Variants in CR1 observed in about 807,000 individuals in gnomAD.
CR1 encodes the protein complement C3b/C4b receptor 1 (Knops blood group).
In CR1, 116 loss-of-function variants were observed where a neutral mutation model predicts 187.3. The ratio of observed to expected loss-of-function variants is 0.62; its 90% CI spans 0.53 to 0.72. CR1 has a LOEUF of 0.72. Among genes scored for constraint, CR1 ranks in the 30% least tolerant of loss-of-function variants. The pLI, the probability that CR1 is intolerant of heterozygous loss-of-function variation, is 0.00. For synonymous variants in CR1, 576 were observed against 747.1 expected (o/e 0.77, Z 3.73); for missense variants, 1,731 against 2,110.7 (o/e 0.82, Z 3.52).
Position 207,599,970 on chromosome 1 carries a change from CAT to C in CR1, c.5811-7279_5811-7278del, listed in dbSNP as rs1447646840. 7.2e-5 allele frequency among the ~76,000 whole-genome samples: 11 copies of C among 152,250 alleles called. No individual in the cohort carries two copies. In the East Asian group the frequency reaches 7.7e-4, roughly 11 times the overall value. ...TAGATGTTAACCTGGACAAATGAAA[CAT>C]AGATTGTTTTGAGCAAGAGACGGCA... On this transcript the variant is annotated intron_variant, in intron 35 of 46. Coordinates refer to ENST00000367049, the MANE Select transcript of CR1 (RefSeq NM_000651.6).
At position 207,575,586 on chromosome 1, in the gene CR1, T is replaced by G. The variant is rs2102335110; in HGVS notation, c.4452-9T>G. On this transcript the variant is annotated splice_polypyrimidine_tract_variant and intron_variant, in intron 27 of 46. Transcript: ENST00000367049. ...TACAGGACAATGATTTTCCATTTTT[T>G]GCCTTTAGGCACCGACTCATTGGTC... 1 of 1,611,878 alleles carries G rather than the reference T, an allele frequency of 6.2e-7. No homozygotes were observed. The highest frequency in any genetic ancestry group is 1.7e-5 in the Admixed American group (1 of 60,026).
intron 34 of CR1, 58 bp downstream of exon 34, chr1:207,587,623 G>C (rs1272085926): frequency 2.0e-6 from 3 of 1,529,066 alleles, no homozygotes; most frequent in Admixed American, 1.8e-5. Context: ...GTGGGACCGG[G>C]CTTGGTGGCT....
At position 207,564,134 on chromosome 1, in the gene CR1, A is replaced by G; in HGVS notation, c.3766A>G (p.Lys1256Glu). 2.6e-6 allele frequency: 4 copies of G among 1,566,832 alleles called. No individual in the cohort carries two copies. The highest frequency in any genetic ancestry group is 3.4e-6 in the Non-Finnish European group (4 of 1,160,150). Residue 1256 changes from lysine to glutamate, a missense_variant and splice_region_variant, in exon 23 of 47, where the codon AAA (lysine) becomes GAA (glutamate). By Grantham distance (56) the Lys-to-Glu change is moderately conservative. This residue lies in a region of CR1 where 34 missense variants were observed against 79.5 expected (regional missense o/e 0.43). Transcript: ENST00000367049. ...WSPAAPTCEVKSCDDFMGQLL... is the reference protein window; with the variant it reads ...WSPAAPTCEVESCDDFMGQLL... The stretch of plus-strand genomic sequence containing the variant: ...TGTTCGTTTTTCTTTATCTCCAGTG[A>G]AATCCTGTGATGACTTCATGGGCCA...
chr1:207,500,574 G>T (rs1324888149), intron 1 of CR1, among the ~76,000 whole-genome samples: 2 of 152,204 alleles, frequency 1.3e-5, no homozygotes, highest in Non-Finnish European at 2.9e-5. Context: ...CCCGAAATGA[G>T]ATAACAATAC....
In CR1 at chr1:207,618,192, C is replaced by A; in HGVS notation, c.7011C>A (p.Gly2337=). 6.2e-7 allele frequency: 1 copy of A among 1,613,792 alleles called. No individual in the cohort carries two copies. The change falls in exon 42 of 47, where the codon GGC becomes GGA. Residue 2337 remains glycine, a synonymous_variant. Coordinates refer to ENST00000367049, the MANE Select transcript of CR1 (RefSeq NM_000651.6). The part of the protein sequence containing the change: ...CDPGYLLVGK[G]FIFCTDQGIW... ...CCGGCTACCTGTTAGTGGGAAAGGG[C>A]TTCATTTTCTGTACAGACCAGGGAA...
chr1:207,616,579 C>A lies in CR1; in HGVS notation c.6666C>A (p.Ile2222=), dbSNP rs751061767. ...WNSSVPVCEQ[I]FCPNPPAILN... is the part of the protein sequence containing the mutation. Reference sequence around the variant, plus strand: ...AAGCTCTTGTTTTCTTTCTAGAAATCTTTTGTCCAAATCCTCCAGCTATCC... The same window carrying A: ...AAGCTCTTGTTTTCTTTCTAGAAATATTTTGTCCAAATCCTCCAGCTATCC... The change falls in exon 41 of 47, where the codon ATC becomes ATA. Residue 2222 remains isoleucine (I), a synonymous_variant. Coordinates refer to ENST00000367049, the MANE Select transcript of CR1 (RefSeq NM_000651.6). 6.2e-7 allele frequency: 1 copy of A among 1,613,220 alleles called. No homozygotes were observed. The highest frequency in any genetic ancestry group is 8.5e-7 in the Non-Finnish European group (1 of 1,179,460).
At chr1:207,578,464 C>CTG (rs1660837443) in intron 29 of CR1, among the ~76,000 whole-genome samples, 1 of 152,186 alleles carries the variant, frequency 6.6e-6, no homozygotes, top group South Asian at 2.1e-4. Context: ...GGCAAAGTAC[C>CTG]AGCTGCAATC....
intron 35 of CR1, among the ~76,000 whole-genome samples, chr1:207,591,565 T>A (rs1661273739): frequency 1.3e-5 from 2 of 151,530 alleles, no homozygotes; most frequent in African/African-American, 4.9e-5. Context: ...GCAAACAAAT[T>A]CAAAAGCTAG....
At position 207,580,699 on chromosome 1, in the gene CR1, C is replaced by A. The variant is rs1308657852; in HGVS notation, c.5216+86C>A. The A allele has an allele frequency of 4.1e-6, 5 of 1,233,432 alleles. No individual in the cohort carries two copies. In the African/African-American group the frequency reaches 6.1e-5, roughly 15 times the overall value. The allele number at this position is 1,233,432 out of a possible 1,614,324, so 76.4% of individuals were successfully genotyped here. A position where few individuals can be genotyped will look rare whatever the true frequency, so the allele number is the denominator to read the frequency against. On this transcript the variant is annotated intron_variant, in intron 31 of 46. Transcript: ENST00000367049. The stretch of plus-strand genomic sequence containing the variant: ...AGGATCAATCCAAAAAGAGGGCTGA[C>A]CTAGGAGAAGAAGAATCCAGGGAGA...
chr1:207,520,968 G>GTTTTTTTTTTTTTTTTTTTTTTTTTTTTT (rs141546660), intron 4 of CR1, among the ~76,000 whole-genome samples: 2 of 44,572 alleles, frequency 4.5e-5, no homozygotes, highest in Non-Finnish European at 3.8e-5. Flanking sequence ...TTTTTTGGTT[G>GTTTTTTTTTTTTTTTTTTTTTTTTTTTTT]TTTTTTTTTT....
intron 4 of CR1, among the ~76,000 whole-genome samples, chr1:207,516,337 G>T (rs566165805): frequency 1.3e-5 from 2 of 152,222 alleles, no homozygotes; most frequent in African/African-American, 2.4e-5. Flanking sequence ...TTCCAGAGAG[G>T]TTCTGTTTCA....
At chr1:207,503,929 T>C (rs193124572) in intron 1 of CR1, among the ~76,000 whole-genome samples, 1 of 152,300 alleles carries the variant, frequency 6.6e-6, no homozygotes, top group Non-Finnish European at 1.5e-5. Flanking sequence ...AGAAAAACAT[T>C]GTATGTTGAA....
chr1:207,592,223 G>A (rs190973051), intron 35 of CR1, among the ~76,000 whole-genome samples: 3 of 152,292 alleles, frequency 2.0e-5, no homozygotes, highest in Admixed American at 2.0e-4. Context: ...AAATTCAGCA[G>A]CACATCAAAA....
intron 4 of CR1, among the ~76,000 whole-genome samples, chr1:207,518,795 G>T (rs1364029010): frequency 6.6e-6 from 1 of 152,154 alleles, no homozygotes; most frequent in Non-Finnish European, 1.5e-5. Context: ...AATCCAGAAT[G>T]GTCACAGCTC....
intron 35 of CR1, 145 bp from the exon 36 acceptor site, chr1:207,607,106 A>G (rs767213130): frequency 3.6e-6 from 2 of 555,074 alleles, no homozygotes; most frequent in African/African-American, 3.7e-5. Flanking sequence ...TAATTTGCAG[A>G]TGGAGATGGG....
chr1:207,582,656 T>G (rs1440384721), intron 32 of CR1, among the ~76,000 whole-genome samples: 12 of 152,190 alleles, frequency 7.9e-5, no homozygotes, highest in Non-Finnish European at 1.6e-4. Context: ...GGGAGGCTGT[T>G]GCAGCAATCT....
At chr1:207,510,275 C>A (rs1375372071) in intron 3 of CR1, among the ~76,000 whole-genome samples, 4 of 152,196 alleles carry the variant, frequency 2.6e-5, no homozygotes, top group African/African-American at 7.2e-5. Flanking sequence ...TTAATAATTA[C>A]ATCATAATCA....
intron 4 of CR1, among the ~76,000 whole-genome samples, chr1:207,518,142 A>AT (rs1659861196): frequency 6.6e-6 from 1 of 152,084 alleles, no homozygotes; most frequent in Non-Finnish European, 1.5e-5. Context: ...CAATCTTTAT[A>AT]TTTTTATTAT....
At position 207,507,004 on chromosome 1, in the gene CR1, T is replaced by C. The variant is rs1447840597; in HGVS notation, c.401+191T>C. On this transcript the variant is annotated intron_variant, in intron 3 of 46. Transcript: ENST00000367049. ...CAAGATCGGGGGAAAATCATCTGTATCCTTGCTGGAAACCAAGGCAGAGCA... is the reference window on the plus strand; with the variant it reads ...CAAGATCGGGGGAAAATCATCTGTACCCTTGCTGGAAACCAAGGCAGAGCA... The C allele has an allele frequency of 1.6e-4, 84 of 531,258 alleles. No homozygotes were observed. The East Asian group carries it at 2.7e-3, about 17-fold the overall frequency. The allele number at this position is 531,258 out of a possible 1,614,324, so 32.9% of individuals were successfully genotyped here.
Sources: allele counts gnomAD v4.1 joint callset (sites outside exome capture counted in the v4.1 genomes callset), GRCh38; gene constraint gnomAD v4.1.1; regional missense constraint gnomAD v4.1.1; transcripts MANE v1.5; gene names NCBI Gene and HGNC (gene_info 2026-07-23, HGNC 2026-07-21).